Variants in CNNM1 observed in about 807,000 individuals in gnomAD.
CNNM1 encodes cyclin and CBS domain divalent metal cation transport mediator 1.
Under a neutral mutation model 78.8 loss-of-function variants are expected in CNNM1, and 44 were observed. The ratio of observed to expected loss-of-function variants is 0.56; its 90% CI spans 0.44 to 0.72. The LOEUF (loss-of-function observed/expected upper bound fraction) is 0.72. Ranked by LOEUF, CNNM1 falls within the 30% of genes least tolerant of loss-of-function variation. The pLI, the probability that CNNM1 is intolerant of heterozygous loss-of-function variation, is 0.00. For missense variants in CNNM1, 1,101 were observed against 1,292.2 expected (o/e 0.85, Z 2.27); for synonymous variants, 584 against 581.5 (o/e 1.00, Z -0.06).
chr10:99,390,410 G>T lies in CNNM1; in HGVS notation c.2776+3G>T. On this transcript the variant is annotated splice_donor_region_variant and intron_variant, in intron 10 of 10. Transcript: ENST00000356713. ...CAAGAAGCTGCTGAGAACCTTGAGT[G>T]AGTAGCTAGTTCTTCACCCAAATGA... 12 of 1,605,012 alleles carry T rather than the reference G, an allele frequency of 7.5e-6. No homozygotes were observed. Among genetic ancestry groups the T allele is most frequent in the Non-Finnish European group, 1.0e-5 (12 of 1,173,744 alleles).
chr10:99,390,546 C>A lies in CNNM1; in HGVS notation c.2776+139C>A. ...AATGAGGTACAATTGTGGAAATCCG[C>A]AGAAGGGGTTGGGCCAGCACTGCAC... On this transcript the variant is annotated intron_variant, in intron 10 of 10. Transcript: ENST00000356713. 6.0e-6 allele frequency: 4 copies of A among 665,880 alleles called. No individual in the cohort carries two copies. The South Asian group carries it at 7.1e-5, about 12-fold the overall frequency. The allele number at this position is 665,880 out of a possible 1,614,324, so 41.2% of individuals were successfully genotyped here. A position where few individuals can be genotyped will look rare whatever the true frequency, so the allele number is the denominator to read the frequency against.
intron 1 of CNNM1, among the ~76,000 whole-genome samples, 199 bp from the exon 2 acceptor site, chr10:99,357,313 C>T (rs1287409528): frequency 6.6e-6 from 1 of 152,140 alleles, no homozygotes; most frequent in Non-Finnish European, 1.5e-5. Flanking sequence ...AATAGAAACA[C>T]AAATCTAGAA....
chr10:99,362,011 A>G (rs1009879466), intron 3 of CNNM1, among the ~76,000 whole-genome samples: 1 of 152,228 alleles, frequency 6.6e-6, no homozygotes, highest in Non-Finnish European at 1.5e-5. Flanking sequence ...GTGCAGGGAC[A>G]CACATCTCCA....
chr10:99,330,131 G>A lies in CNNM1; in HGVS notation c.744G>A (p.Ser248=), dbSNP rs1411647553. 6.5e-7 allele frequency: 1 copy of A among 1,548,130 alleles called. No individual in the cohort carries two copies. Among genetic ancestry groups the A allele is most frequent in the Non-Finnish European group, 8.7e-7 (1 of 1,153,790 alleles). Residue 248 remains serine (S), a synonymous_variant, in exon 1 of 11, where the codon TCG becomes TCA. Coordinates refer to ENST00000356713, the MANE Select transcript of CNNM1 (RefSeq NM_020348.3). ...GCGGCCTGCGCCTGAGCCTGCTGTC[G>A]CTGGACCCGGTGGAGTTACGGGTGC... ...LFSGLRLSLL[S]LDPVELRVLR...
In CNNM1 at chr10:99,381,838, CAA is replaced by C. The variant is rs1021094633; in HGVS notation, c.2340+4621_2340+4622del. Among the ~76,000 whole-genome samples, 71 of 150,720 alleles carry C rather than the reference CAA, an allele frequency of 4.7e-4. 1 individual carries two copies. The highest frequency in any genetic ancestry group is 3.0e-3 in the Admixed American group (45 of 15,162). On this transcript the variant is annotated intron_variant, in intron 7 of 10. Coordinates refer to ENST00000356713, the MANE Select transcript of CNNM1 (RefSeq NM_020348.3). ...TGAGTTCAAGCTCTTTTTTTTAACA[CAA>C]GTGTCTTTTTTGTTTTGATTTTCTC...
At chr10:99,372,350 A>G (rs1041571968) in intron 6 of CNNM1, among the ~76,000 whole-genome samples, 8 of 152,168 alleles carry the variant, frequency 5.3e-5, no homozygotes, top group Non-Finnish European at 1.0e-4. Context: ...AATTTCACAG[A>G]GCAGAAAACC....
At chr10:99,380,021 C>CTT (rs34165882) in intron 7 of CNNM1, among the ~76,000 whole-genome samples, 5 of 103,902 alleles carry the variant, frequency 4.8e-5, no homozygotes, top group African/African-American at 7.3e-5. Context: ...TAAACTCTCT[C>CTT]TTTTTTTTTT....
chr10:99,351,003 G>A (rs1457305738), intron 1 of CNNM1, among the ~76,000 whole-genome samples: 5 of 152,112 alleles, frequency 3.3e-5, no homozygotes, highest in Admixed American at 3.3e-4. Context: ...TCCCCTGGGG[G>A]GCAAAATCAC....
At chr10:99,391,112 GC>G (rs980458452) in intron 10 of CNNM1, among the ~76,000 whole-genome samples, 3 of 152,232 alleles carry the variant, frequency 2.0e-5, no homozygotes, top group African/African-American at 7.2e-5. Context: ...AGTCAGAGGG[GC>G]TGGCCCCCAA....
Position 99,391,579 on chromosome 10 carries a change from T to A in CNNM1, c.*63T>A. ...CAGAGCTTTGGGGGAGAATCCACCCTCCCATCATCTGCTTCCCCCAAGGCC... is the reference window on the plus strand; with the variant it reads ...CAGAGCTTTGGGGGAGAATCCACCCACCCATCATCTGCTTCCCCCAAGGCC... On this transcript the variant is annotated 3_prime_UTR_variant, in exon 11 of 11. Coordinates refer to ENST00000356713, the MANE Select transcript of CNNM1 (RefSeq NM_020348.3). The A allele has an allele frequency of 7.2e-7, 1 of 1,384,418 alleles. No individual in the cohort carries two copies. The highest frequency in any genetic ancestry group is 1.0e-6 in the Non-Finnish European group (1 of 981,222). 85.8% of individuals were successfully genotyped at this position (1,384,418 alleles called of 1,614,324 possible).
intron 1 of CNNM1, among the ~76,000 whole-genome samples, chr10:99,352,474 A>T (rs968707363): frequency 1.3e-5 from 2 of 152,230 alleles, no homozygotes; most frequent in Non-Finnish European, 2.9e-5. Flanking sequence ...ACTATTTTTC[A>T]ATCCCACCAG....
Position 99,329,406 on chromosome 10 carries a change from G to T in CNNM1, c.19G>T (p.Ala7Ser). MAAAAA[A>S]AAAVGVRLRD... ...GTGCAGGATGGCGGCGGCCGCGGCG[G>T]CGGCAGCAGCGGTGGGTGTCAGGCT... Residue 7 changes from alanine to serine, a missense_variant, in exon 1 of 11, where the codon GCG (alanine) becomes TCG (serine). Ala to Ser is a moderately conservative substitution (Grantham distance 99). Coordinates refer to ENST00000356713, the MANE Select transcript of CNNM1 (RefSeq NM_020348.3). The T allele has an allele frequency of 1.2e-6, 1 of 854,364 alleles. No homozygotes were observed. Among genetic ancestry groups the T allele is most frequent in the Non-Finnish European group, 1.7e-6 (1 of 582,098 alleles). The allele number at this position is 854,364 out of a possible 1,614,324, so 52.9% of individuals were successfully genotyped here. A position where few individuals can be genotyped will look rare whatever the true frequency, so the allele number is the denominator to read the frequency against.
chr10:99,353,676 C>T (rs1448951798), intron 1 of CNNM1, among the ~76,000 whole-genome samples: 1 of 152,120 alleles, frequency 6.6e-6, no homozygotes, highest in African/African-American at 2.4e-5. Flanking sequence ...AGTGTCAACT[C>T]GGAATAAGGA....
Position 99,391,423 on chromosome 10 carries a change from C to G in CNNM1, c.2777-14C>G. The G allele has an allele frequency of 6.2e-7, 1 of 1,610,450 alleles. No homozygotes were observed. The highest frequency in any genetic ancestry group is 8.5e-7 in the Non-Finnish European group (1 of 1,176,976). ...CAGTGTTACAGGCTGATACTTGCAA[C>G]TTGTTTTTTTCAGGTGGCCAAAAAA... On this transcript the variant is annotated splice_polypyrimidine_tract_variant and intron_variant, in intron 10 of 10. Coordinates refer to ENST00000356713, the MANE Select transcript of CNNM1 (RefSeq NM_020348.3).
At position 99,330,086 on chromosome 10, in the gene CNNM1, A is replaced by C. The variant is rs1361833892; in HGVS notation, c.699A>C (p.Leu233=). ...WLRALGALLL[L]ALSALFSGLR... is the part of the protein sequence containing the mutation. ...GGGCGCTCGGGGCGCTCCTGCTGCT[A>C]GCCTTGTCGGCCCTGTTCAGCGGCC... Residue 233 remains leucine, a synonymous_variant, in exon 1 of 11, where the codon CTA becomes CTC. Coordinates refer to ENST00000356713, the MANE Select transcript of CNNM1 (RefSeq NM_020348.3). 5.9e-6 allele frequency: 9 copies of C among 1,538,038 alleles called. No individual in the cohort carries two copies. In the East Asian group the frequency reaches 2.2e-4, roughly 38 times the overall value.
chr10:99,373,874 T>C (rs1256846357), intron 6 of CNNM1, among the ~76,000 whole-genome samples: 3 of 152,338 alleles, frequency 2.0e-5, no homozygotes, highest in Non-Finnish European at 4.4e-5. Flanking sequence ...GCAAAAGACA[T>C]GATTTCATTC....
At chr10:99,338,227 A>G (rs2030278292) in intron 1 of CNNM1, among the ~76,000 whole-genome samples, 1 of 152,170 alleles carries the variant, frequency 6.6e-6, no homozygotes, top group Admixed American at 6.5e-5. Context: ...ATTAAAATGA[A>G]AGTGCTATAC....
intron 1 of CNNM1, among the ~76,000 whole-genome samples, chr10:99,351,741 C>T (rs187370871): frequency 2.3e-4 from 35 of 152,236 alleles, no homozygotes; most frequent in Admixed American, 7.2e-4. Context: ...TGTGGCAGAC[C>T]GTTTTTACTC....
chr10:99,387,886 G>A lies in CNNM1; in HGVS notation c.2407G>A (p.Asp803Asn), dbSNP rs1250430646. ...CHMDSSPQSPDMEAFTDGDST... is the reference protein window; with the variant it reads ...CHMDSSPQSPNMEAFTDGDST... ...CATGGACAGCTCACCTCAGTCCCCTGACATGGAGGCCTTCACAGACGGGGA... is the reference window on the plus strand; with the variant it reads ...CATGGACAGCTCACCTCAGTCCCCTAACATGGAGGCCTTCACAGACGGGGA... The change falls in exon 8 of 11, where the codon GAC becomes AAC. Residue 803 changes from aspartate to asparagine, a missense_variant. By Grantham distance (23) the Asp-to-Asn change is conservative (BLOSUM62 1). Around this residue, in one of 3 missense-constraint regions of CNNM1, gnomAD observed 348 missense variants for 384.5 expected, o/e 0.90. Coordinates refer to ENST00000356713, the MANE Select transcript of CNNM1 (RefSeq NM_020348.3). The A allele has an allele frequency of 6.2e-7, 1 of 1,613,714 alleles. No individual in the cohort carries two copies. The highest frequency in any genetic ancestry group is 1.3e-5 in the African/African-American group (1 of 75,050).
Sources: allele counts gnomAD v4.1 joint callset (sites outside exome capture counted in the v4.1 genomes callset), GRCh38; gene constraint gnomAD v4.1.1; regional missense constraint gnomAD v4.1.1; transcripts MANE v1.5; gene names NCBI Gene and HGNC (gene_info 2026-07-23, HGNC 2026-07-21).